Variants in FAM13A observed in about 807,000 individuals in gnomAD.
The protein encoded by FAM13A is protein FAM13A.
Under a neutral mutation model 129.6 loss-of-function variants are expected in FAM13A, and 76 were observed. The ratio of observed to expected loss-of-function variants is 0.59; its 90% confidence interval spans 0.49 to 0.71. The LOEUF (loss-of-function observed/expected upper bound fraction) is 0.71, where lower values mean the gene tolerates loss of function less well. Ranked by LOEUF, FAM13A falls within the 30% of genes least tolerant of loss-of-function variation. The pLI, the probability that FAM13A is intolerant of heterozygous loss-of-function variation, is 0.00. For synonymous variants in FAM13A, 443 were observed against 449.9 expected (o/e 0.98, Z 0.20); for missense variants, 1,108 against 1,249.3 (o/e 0.89, Z 1.70).
intron 2 of FAM13A, 55 bp from the exon 3 acceptor site, chr4:89,020,724 G>A (rs1049484831): frequency 5.5e-5 from 63 of 1,152,622 alleles, no homozygotes; most frequent in Non-Finnish European, 6.7e-5. Context: ...GACATGAAAC[G>A]TAAAGAATGA....
chr4:89,040,899 A>C (rs905916830), intron 1 of FAM13A, among the ~76,000 whole-genome samples: 16 of 152,168 alleles, frequency 1.1e-4, no homozygotes, highest in African/African-American at 3.1e-4. Flanking sequence ...GCAGAGGAAC[A>C]CGGAAGGACT....
chr4:88,930,956 T>C (rs1752941815), intron 5 of FAM13A, among the ~76,000 whole-genome samples: 2 of 152,178 alleles, frequency 1.3e-5, no homozygotes, highest in Admixed American at 6.5e-5. Flanking sequence ...AGTGCAGCCA[T>C]GTTGCCTCAA....
intron 1 of FAM13A, among the ~76,000 whole-genome samples, chr4:89,052,187 C>A (rs1266907623): frequency 6.6e-6 from 1 of 151,874 alleles, no homozygotes; most frequent in East Asian, 1.9e-4. Flanking sequence ...AATGGGGCAG[C>A]TATAAAGTGT....
In FAM13A at chr4:88,906,494, A is replaced by G. The variant is rs763326325; in HGVS notation, c.760-32T>C. The G allele has an allele frequency of 8.2e-6, 12 of 1,458,600 alleles. No individual in the cohort carries two copies. The African/African-American group carries it at 1.3e-4, about 16-fold the overall frequency. 90.4% of individuals were successfully genotyped at this position (1,458,600 alleles called of 1,614,324 possible). ...AAGAAGTATAAAGGAAACATTAGAG[A>G]TTAAAGAACACTTACCCTAACCAAA... On this transcript the variant is annotated intron_variant, in intron 5 of 23. Transcript: ENST00000264344.
At chr4:89,034,599 C>T (rs1475283466) in intron 1 of FAM13A, among the ~76,000 whole-genome samples, 3 of 152,256 alleles carry the variant, frequency 2.0e-5, no homozygotes, top group East Asian at 3.9e-4. Flanking sequence ...GAAAATAAAT[C>T]AGCTGGGCAC....
At chr4:88,910,396 T>C (rs1254521500) in intron 5 of FAM13A, among the ~76,000 whole-genome samples, 2 of 152,104 alleles carry the variant, frequency 1.3e-5, no homozygotes, top group African/African-American at 2.4e-5. Flanking sequence ...ACTAATGACA[T>C]TTAAAAATAG....
Position 89,020,464 on chromosome 4 carries a change from A to G in FAM13A, c.423T>C (p.Phe141=). The G allele has an allele frequency of 1.2e-6, 2 of 1,612,422 alleles. No individual in the cohort carries two copies. Among genetic ancestry groups the G allele is most frequent in the Non-Finnish European group, 1.7e-6 (2 of 1,178,548 alleles). Residue 141 remains phenylalanine (F), a synonymous_variant, in exon 3 of 24, where the codon TTT becomes TTC. Coordinates refer to ENST00000264344, the MANE Select transcript of FAM13A (RefSeq NM_014883.4). ...SALQPRFIQL[F]QDGRNDVQES... is the part of the protein sequence containing the mutation. ...AAAAGGATTTATTGTACTAACCCTG[A>G]AAGAGTTGAATGAATCGAGGCTGCA...
chr4:88,958,935 C>A (rs534011146), intron 4 of FAM13A, among the ~76,000 whole-genome samples: 4 of 152,280 alleles, frequency 2.6e-5, no homozygotes, highest in African/African-American at 9.6e-5. Context: ...ATGAGTGTGC[C>A]CTGGATGTGG....
Position 88,747,827 on chromosome 4 carries a change from T to C in FAM13A, c.2186A>G (p.Glu729Gly). ...CTGCCGCATCCTGGGAGTTAGGTCC[T>C]CTTCAGATATCTTTAGTTTTGATTC... ...LKESKLKISE[E>G]DLTPRMRQRS... The change falls in exon 18 of 24, where the codon GAG (glutamate) becomes GGG (glycine). Residue 729 changes from glutamate to glycine, a missense_variant. Physicochemically the swap from Glu to Gly is moderately conservative, Grantham distance 98. Around this residue, in one of 3 missense-constraint regions of FAM13A, gnomAD observed 529 missense variants for 621.2 expected, o/e 0.85. Coordinates refer to ENST00000264344, the MANE Select transcript of FAM13A (RefSeq NM_014883.4). 6.2e-7 allele frequency: 1 copy of C among 1,613,048 alleles called. No homozygotes were observed. Among genetic ancestry groups the C allele is most frequent in the Non-Finnish European group, 8.5e-7 (1 of 1,179,090 alleles).
intron 4 of FAM13A, among the ~76,000 whole-genome samples, chr4:88,946,252 C>T (rs1313790370): frequency 6.6e-6 from 1 of 151,652 alleles, no homozygotes; most frequent in Non-Finnish European, 1.5e-5. Flanking sequence ...CCAATGGAAA[C>T]TGGACACAGC....
intron 1 of FAM13A, among the ~76,000 whole-genome samples, chr4:89,051,623 T>C (rs1771601144): frequency 6.6e-6 from 1 of 152,152 alleles, no homozygotes; most frequent in Non-Finnish European, 1.5e-5. Flanking sequence ...AAATCAACTA[T>C]GGGTAAGACT....
chr4:89,045,397 TG>T (rs1219451310), intron 1 of FAM13A, among the ~76,000 whole-genome samples: 19 of 152,328 alleles, frequency 1.2e-4, no homozygotes, highest in African/African-American at 4.6e-4. Context: ...AGCTAACTGA[TG>T]CCACTTTATG....
intron 7 of FAM13A, among the ~76,000 whole-genome samples, chr4:88,828,740 T>G (rs1031753992): frequency 1.3e-5 from 2 of 152,214 alleles, no homozygotes; most frequent in African/African-American, 4.8e-5. Context: ...CACTTTCTAC[T>G]GTAGGGCTAC....
chr4:88,884,231 C>A (rs1036777715), intron 6 of FAM13A, among the ~76,000 whole-genome samples: 18 of 152,096 alleles, frequency 1.2e-4, no homozygotes, highest in African/African-American at 4.3e-4. Context: ...AGACCAATAT[C>A]CCTGATGAAC....
intron 8 of FAM13A, among the ~76,000 whole-genome samples, chr4:88,803,446 A>C (rs987822670): frequency 1.3e-5 from 2 of 152,212 alleles, no homozygotes; most frequent in African/African-American, 4.8e-5. Context: ...TCATTCTGCA[A>C]GTACAGGACA....
At chr4:88,944,203 T>A (rs946599807) in intron 4 of FAM13A, among the ~76,000 whole-genome samples, 1 of 152,012 alleles carries the variant, frequency 6.6e-6, no homozygotes, top group Non-Finnish European at 1.5e-5. Flanking sequence ...ATTTTAAAAA[T>A]TAGCTGGGCA....
At chr4:88,872,149 T>C (rs1255396677) in intron 6 of FAM13A, among the ~76,000 whole-genome samples, 4 of 152,146 alleles carry the variant, frequency 2.6e-5, no homozygotes, top group Non-Finnish European at 4.4e-5. Flanking sequence ...AAGGAAGCAC[T>C]AAACATGGAA....
intron 4 of FAM13A, among the ~76,000 whole-genome samples, chr4:88,989,048 AAACCC>A: frequency 6.8e-6 from 1 of 146,926 alleles, no homozygotes; most frequent in East Asian, 2.1e-4. Flanking sequence ...TCTCTACTAA[AAACCC>A]CAAAATTAGC....
intron 2 of FAM13A, among the ~76,000 whole-genome samples, chr4:89,026,000 A>T (rs1767915388): frequency 6.6e-6 from 1 of 152,196 alleles, no homozygotes; most frequent in Admixed American, 6.5e-5. Context: ...AAAAATGTAA[A>T]ATTTTTTACA....
Sources: gnomAD v4.1 joint callset for allele counts (sites outside exome capture counted in the v4.1 genomes callset) on GRCh38, gnomAD v4.1.1 for gene constraint, gnomAD v4.1.1 regional missense constraint, MANE v1.5 for transcripts, NCBI Gene and HGNC (gene_info 2026-07-23, HGNC 2026-07-21) for gene names.